The following BPNT1 variants were observed in gnomAD, a reference collection of about 807,000 sequenced individuals.
BPNT1 encodes the protein 3'(2'), 5'-bisphosphate nucleotidase 1.
In BPNT1, 28 loss-of-function variants were observed where a neutral mutation model predicts 36.9. That is an observed-to-expected ratio of 0.76 (90% confidence interval 0.56 to 1.04). BPNT1 has a LOEUF of 1.04. BPNT1 is among the 50% of genes least tolerant of loss of function. The probability of loss-of-function intolerance (pLI) is 0.00; values close to 1 mark genes in which losing one functional copy is unlikely to be tolerated. For missense variants in BPNT1, 313 were observed against 372.9 expected (o/e 0.84, Z 1.32); for synonymous variants, 119 against 130.9 (o/e 0.91, Z 0.62).
intron 5 of BPNT1, among the ~76,000 whole-genome samples, chr1:220,067,720 C>T (rs1156302616): frequency 1.3e-5 from 2 of 152,150 alleles, no homozygotes; most frequent in African/African-American, 4.8e-5. Context: ...CCTTACCTGC[C>T]GAATCACTTT....
At chr1:220,083,233 T>A (rs1655375246) in intron 1 of BPNT1, among the ~76,000 whole-genome samples, 2 of 128,740 alleles carry the variant, frequency 1.6e-5, no homozygotes, top group African/African-American at 5.4e-5. Context: ...CAAGACTCCA[T>A]CTCAAAAAAA....
At chr1:220,062,308 AAC>A (rs1181417847) in intron 7 of BPNT1, among the ~76,000 whole-genome samples, 1 of 98,806 alleles carries the variant, frequency 1.0e-5, no homozygotes, top group African/African-American at 4.1e-5. Flanking sequence ...CCCACCCCAC[AAC>A]AGTCCCCAGA....
chr1:220,077,388 T>A (rs1420153436), intron 2 of BPNT1, among the ~76,000 whole-genome samples: 3 of 126,584 alleles, frequency 2.4e-5, no homozygotes, highest in Non-Finnish European at 1.8e-5. Context: ...TTCTTATGAA[T>A]TTTTTTTTTT....
intron 7 of BPNT1, among the ~76,000 whole-genome samples, chr1:220,060,189 T>C (rs1024460953): frequency 1.3e-5 from 2 of 152,146 alleles, no homozygotes; most frequent in Admixed American, 1.3e-4. Context: ...GACCATTTAT[T>C]AGAGGGCTGC....
At chr1:220,067,127 T>TA (rs998794689) in intron 6 of BPNT1, 175 bp downstream of exon 6, 87 of 194,642 alleles carry the variant, frequency 4.5e-4, no homozygotes, top group Non-Finnish European at 6.8e-4. Flanking sequence ...ATAGCATAGC[T>TA]AAAAAAAAAG....
chr1:220,071,249 T>C (rs1457951439), intron 4 of BPNT1, among the ~76,000 whole-genome samples: 2 of 152,042 alleles, frequency 1.3e-5, no homozygotes, highest in Admixed American at 1.3e-4. Flanking sequence ...CCTTAAATAA[T>C]TAAAAATTGG....
intron 2 of BPNT1, among the ~76,000 whole-genome samples, chr1:220,077,846 A>G (rs1259535951): frequency 1.3e-5 from 2 of 152,132 alleles, no homozygotes; most frequent in African/African-American, 4.8e-5. Context: ...AAATTACAAT[A>G]CACTTTTCCT....
At position 220,062,796 on chromosome 1, in the gene BPNT1, G is replaced by T; in HGVS notation, c.633C>A (p.Asn211Lys). The T allele has an allele frequency of 6.2e-7, 1 of 1,614,180 alleles. No homozygotes were observed. Among genetic ancestry groups the T allele is most frequent in the Non-Finnish European group, 8.5e-7 (1 of 1,180,028 alleles). Residue 211 changes from asparagine to lysine, a missense_variant, in exon 7 of 9, where the codon AAC (asparagine) becomes AAA (lysine). Transcript: ENST00000322067. Reference protein sequence around the residue: ...KLVTDCVAAMNPDAVLRVGGA... With the variant: ...KLVTDCVAAMKPDAVLRVGGA... ...CTCCTACTCGCAGCACAGCATCGGG[G>T]TTCATAGCAGCAACACAGTCAGTAA...
intron 1 of BPNT1, among the ~76,000 whole-genome samples, chr1:220,088,364 C>T (rs1478915425): frequency 6.8e-6 from 1 of 146,594 alleles, no homozygotes; most frequent in Non-Finnish European, 1.5e-5. Flanking sequence ...CATAGTAATA[C>T]AAAAATTACT....
At chr1:220,071,387 T>C (rs1400480396) in intron 4 of BPNT1, among the ~76,000 whole-genome samples, 1 of 152,174 alleles carries the variant, frequency 6.6e-6, no homozygotes, top group Non-Finnish European at 1.5e-5. Flanking sequence ...TAGCCTTCTA[T>C]CCCCAATTAC....
At position 220,065,963 on chromosome 1, in the gene BPNT1, G is replaced by A. The variant is rs1663495558; in HGVS notation, c.474+1339C>T. On this transcript the variant is annotated intron_variant, in intron 6 of 8. Transcript: ENST00000322067. ...AGAGGTAATGAAGAGAAGCAGAACT[G>A]GAGAAAATGAACTGGTATGTGGGAT... 3 of 631,156 alleles carry A rather than the reference G, an allele frequency of 4.8e-6. No individual in the cohort carries two copies. The East Asian group carries it at 8.8e-5, about 19-fold the overall frequency. The allele number at this position is 631,156 out of a possible 1,614,324, so 39.1% of individuals were successfully genotyped here. A position where few individuals can be genotyped will look rare whatever the true frequency, so the allele number is the denominator to read the frequency against.
intron 1 of BPNT1, among the ~76,000 whole-genome samples, chr1:220,085,087 G>C (rs754263626): frequency 1.1e-4 from 17 of 148,270 alleles, no homozygotes; most frequent in Non-Finnish European, 6.0e-5. Context: ...AAAAAAAAAA[G>C]AAAAAATACA....
chr1:220,058,385 AAATAT>A lies in BPNT1; in HGVS notation c.*454_*458del. The A allele has an allele frequency of 1.0e-6, 1 of 968,864 alleles. No individual in the cohort carries two copies. The highest frequency in any genetic ancestry group is 1.2e-6 in the Non-Finnish European group (1 of 814,030). 60.0% of individuals were successfully genotyped at this position (968,864 alleles called of 1,614,324 possible). A position where few individuals can be genotyped will look rare whatever the true frequency, so the allele number is the denominator to read the frequency against. ...TTATTTAATTCTATTTTCTATTCCT[AAATAT>A]AATAACTAAATATAAATCACTGCTC... On this transcript the variant is annotated 3_prime_UTR_variant, in exon 9 of 9. Coordinates refer to ENST00000322067, the MANE Select transcript of BPNT1 (RefSeq NM_006085.6).
At chr1:220,080,459 G>A (rs1482610599) in intron 1 of BPNT1, among the ~76,000 whole-genome samples, 1 of 152,194 alleles carries the variant, frequency 6.6e-6, no homozygotes, top group Non-Finnish European at 1.5e-5. Context: ...CTAATATAAA[G>A]GAAAGAGGTT....
At chr1:220,077,620 T>C (rs1664671099) in intron 2 of BPNT1, among the ~76,000 whole-genome samples, 1 of 152,102 alleles carries the variant, frequency 6.6e-6, no homozygotes, top group South Asian at 2.1e-4. Context: ...AGCAATTACA[T>C]TGAATGTTTT....
rs1662711779 is a variant in BPNT1, at chr1:220,058,417, AC to A, written c.*426del. ...ATAACTAAATATAAATCACTGCTCA[AC>A]AATGAATAAAGGTGGAACTCTAATT... On this transcript the variant is annotated 3_prime_UTR_variant, in exon 9 of 9. Coordinates refer to ENST00000322067, the MANE Select transcript of BPNT1 (RefSeq NM_006085.6). 1.0e-6 allele frequency: 1 copy of A among 963,968 alleles called. No individual in the cohort carries two copies. The highest frequency in any genetic ancestry group is 1.2e-6 in the Non-Finnish European group (1 of 808,980). 59.7% of individuals were successfully genotyped at this position (963,968 alleles called of 1,614,324 possible).
rs1356169159 is a variant in BPNT1, at chr1:220,084,235, G to A, written c.-8-4381C>T. On this transcript the variant is annotated intron_variant, in intron 1 of 8. Coordinates refer to ENST00000322067, the MANE Select transcript of BPNT1 (RefSeq NM_006085.6). ...TAGTCCCAGCTACTCGGGAGGCTGA[G>A]GCAGGAGAATGGCATGAACCCGGGA... Among the ~76,000 whole-genome samples the A allele has an allele frequency of 5.3e-5, 8 of 152,064 alleles. No individual in the cohort carries two copies. In the East Asian group the frequency reaches 1.5e-3, roughly 29 times the overall value.
chr1:220,057,809 T>C lies in BPNT1; in HGVS notation c.*1035A>G. 1 of 1,242,088 alleles carries C rather than the reference T, an allele frequency of 8.1e-7. No individual in the cohort carries two copies. Among genetic ancestry groups the C allele is most frequent in the Non-Finnish European group, 1.1e-6 (1 of 933,764 alleles). The allele number at this position is 1,242,088 out of a possible 1,614,324, so 76.9% of individuals were successfully genotyped here. ...TATATAATAACATCATATATATTCT[T>C]AATTGGAGTAGAAACGTTTTTAAAA... On this transcript the variant is annotated 3_prime_UTR_variant, in exon 9 of 9. Coordinates refer to ENST00000322067, the MANE Select transcript of BPNT1 (RefSeq NM_006085.6).
chr1:220,069,645 A>C (rs148464339), intron 4 of BPNT1, among the ~76,000 whole-genome samples: 76 of 152,318 alleles, frequency 5.0e-4, no homozygotes, highest in African/African-American at 1.8e-3. Context: ...GTCTGATTTA[A>C]GAATTTTCAG....
Sources: gnomAD v4.1 joint callset for allele counts (sites outside exome capture counted in the v4.1 genomes callset) on GRCh38, gnomAD v4.1.1 for gene constraint, MANE v1.5 for transcripts, NCBI Gene and HGNC (gene_info 2026-07-23, HGNC 2026-07-21) for gene names.